RAD50: variants seen among roughly 807,000 people sequenced by gnomAD.
RAD50 encodes DNA repair protein RAD50.
Under a neutral mutation model 168.8 loss-of-function variants are expected in RAD50, and 132 were observed. That is an observed-to-expected ratio of 0.78 (90% confidence interval 0.68 to 0.90). The LOEUF is 0.90. Ranked by LOEUF, RAD50 falls within the 40% of genes least tolerant of loss-of-function variation. RAD50 has a pLI of 0.00. For missense variants in RAD50, 1,347 were observed against 1,534.4 expected, an observed-to-expected ratio of 0.88 and a Z score of 2.04; for synonymous variants, 525 against 497.4, an observed-to-expected ratio of 1.06 and a Z score of -0.74.
chr5:132,562,141 G>A (rs113521099), intron 2 of RAD50, among the ~76,000 whole-genome samples: 200 of 152,286 alleles, frequency 1.3e-3, no homozygotes, highest in South Asian at 3.7e-3. Flanking sequence ...AAGAACAAGG[G>A]AAAATGGTAG....
intron 19 of RAD50, among the ~76,000 whole-genome samples, chr5:132,614,157 C>T (rs886334785): frequency 6.6e-6 from 1 of 152,118 alleles, no homozygotes; most frequent in South Asian, 2.1e-4. Context: ...GTAGACAGAC[C>T]AGCAACAATA....
rs1554098258 is a variant in RAD50 at position 132,588,838 on chromosome 5, A to G, written c.1203A>G (p.Arg401=). Residue 401 remains arginine (R), a synonymous_variant, in exon 8 of 25, where the codon AGA becomes AGG. Coordinates refer to ENST00000378823, the MANE Select transcript of RAD50 (RefSeq NM_005732.4). Reference sequence around the variant, plus strand: ...TTAAAAATTTTCACAAACTTGTGAGAGAGAGACAAGAAGGGGAAGCAAAAA... The same window carrying G: ...TTAAAAATTTTCACAAACTTGTGAGGGAGAGACAAGAAGGGGAAGCAAAAA... The part of the protein sequence containing the change: ...RQIKNFHKLV[R]ERQEGEAKTA... 1 of 1,614,008 alleles carries G rather than the reference A, an allele frequency of 6.2e-7. No homozygotes were observed. Among genetic ancestry groups the G allele is most frequent in the South Asian group, 1.1e-5 (1 of 91,076 alleles).
chr5:132,636,468 A>G (rs186597143), intron 21 of RAD50, among the ~76,000 whole-genome samples: 1 of 152,216 alleles, frequency 6.6e-6, no homozygotes, highest in Non-Finnish European at 1.5e-5. Context: ...AAGGAAAGGT[A>G]AAATAAAATT....
intron 23 of RAD50, among the ~76,000 whole-genome samples, chr5:132,639,170 T>A (rs576074152): frequency 1.3e-5 from 2 of 151,992 alleles, no homozygotes; most frequent in Admixed American, 1.3e-4. Context: ...CAGCCTAACA[T>A]GGTGAAACTC....
chr5:132,558,634 C>T (rs555978024), intron 1 of RAD50, among the ~76,000 whole-genome samples: 29 of 148,086 alleles, frequency 2.0e-4, no homozygotes, highest in African/African-American at 6.3e-4. Flanking sequence ...TCGCTTGAAC[C>T]GGGGAGGTGG....
intron 11 of RAD50, chr5:132,593,186 A>G (rs1013567002): frequency 7.7e-5 from 15 of 195,572 alleles, no homozygotes; most frequent in Admixed American, 3.1e-4. Flanking sequence ...TAAAGTATCA[A>G]TGATTTCACC....
At chr5:132,624,842 A>T (rs1435282199) in intron 21 of RAD50, among the ~76,000 whole-genome samples, 1 of 147,214 alleles carries the variant, frequency 6.8e-6, no homozygotes, top group East Asian at 2.0e-4. Context: ...AGTGCACTCC[A>T]GCGTGGGTGA....
intron 2 of RAD50, among the ~76,000 whole-genome samples, chr5:132,568,318 T>C (rs1750244659): frequency 6.6e-6 from 1 of 151,906 alleles, no homozygotes; most frequent in South Asian, 2.1e-4. Flanking sequence ...CTCATGACCT[T>C]GTGATCCGCC....
In RAD50 at chr5:132,642,395, G is replaced by A; in HGVS notation, c.*31G>A. On this transcript the variant is annotated 3_prime_UTR_variant, in exon 25 of 25. Transcript: ENST00000378823. ...TCCAAGATTTAAATGCCATAGAAAT[G>A]TAGGTCCTCAGAAAGTGTATAATAA... The A allele has an allele frequency of 6.3e-7, 1 of 1,576,672 alleles. No homozygotes were observed. The highest frequency in any genetic ancestry group is 8.7e-7 in the Non-Finnish European group (1 of 1,146,962).
intron 21 of RAD50, among the ~76,000 whole-genome samples, chr5:132,630,068 GT>G (rs1751436387): frequency 6.8e-6 from 1 of 147,838 alleles, no homozygotes; most frequent in African/African-American, 2.5e-5. Context: ...TTGAGACAGA[GT>G]TTCGCTCTTT....
At chr5:132,594,107 C>G (rs1298429825) in intron 11 of RAD50, among the ~76,000 whole-genome samples, 1 of 152,156 alleles carries the variant, frequency 6.6e-6, no homozygotes, top group East Asian at 1.9e-4. Context: ...CAAATGTTTA[C>G]TGTGACTCAG....
At position 132,638,101 on chromosome 5, in the gene RAD50, C is replaced by T. The variant is rs587782577; in HGVS notation, c.3496C>T (p.Arg1166Trp). 45 of 1,613,848 alleles carry T rather than the reference C, an allele frequency of 2.8e-5. 1 individual carries two copies. The highest frequency in any genetic ancestry group is 2.0e-4 in the Admixed American group (12 of 60,000). ...GTCAGATATTGAATACATAGAAATA[C>T]GGTCTGATGCCGATGAAAATGTATC... Reference protein sequence around the residue: ...RGQDIEYIEIRSDADENVSAS... With the variant: ...RGQDIEYIEIWSDADENVSAS... Residue 1166 changes from arginine to tryptophan, a missense_variant, in exon 23 of 25, where the codon CGG (arginine) becomes TGG (tryptophan). Transcript: ENST00000378823.
At chr5:132,607,516 TACTG>T (rs1751005933) in intron 16 of RAD50, among the ~76,000 whole-genome samples, 1 of 152,216 alleles carries the variant, frequency 6.6e-6, no homozygotes, top group Admixed American at 6.5e-5. Flanking sequence ...CTAAGTATAT[TACTG>T]AATAATTACT....
chr5:132,626,389 T>A (rs1468579254), intron 21 of RAD50, among the ~76,000 whole-genome samples: 2 of 152,174 alleles, frequency 1.3e-5, no homozygotes, highest in Non-Finnish European at 1.5e-5. Flanking sequence ...TTCTCCATAG[T>A]GGTGATTTTG....
At chr5:132,580,183 A>G in intron 5 of RAD50, 117 bp downstream of exon 5, 2 of 836,176 alleles carry the variant, frequency 2.4e-6, no homozygotes, top group Non-Finnish European at 3.8e-6. Flanking sequence ...AACGTTCATT[A>G]CTTCAATTTT....
chr5:132,559,427 T>C, intron 2 of RAD50, 60 bp downstream of exon 2: 1 of 1,526,866 alleles, frequency 6.5e-7, no homozygotes, highest in African/African-American at 1.4e-5. Flanking sequence ...TAGCTTATTA[T>C]AGAAAACTTG....
At chr5:132,591,671 A>G (rs1424296583) in intron 10 of RAD50, among the ~76,000 whole-genome samples, 1 of 152,114 alleles carries the variant, frequency 6.6e-6, no homozygotes, top group African/African-American at 2.4e-5. Context: ...AAAATTTTAT[A>G]TTGTTCGACT....
intron 22 of RAD50, 34 bp downstream of exon 22, chr5:132,637,234 C>T: frequency 1.3e-6 from 2 of 1,598,366 alleles, no homozygotes; most frequent in Non-Finnish European, 1.7e-6. Context: ...ATGCTCTTTC[C>T]AAAGCCCTCT....
At position 132,591,931 on chromosome 5, in the gene RAD50, A is replaced by G. The variant is rs756853700; in HGVS notation, c.1690A>G (p.Thr564Ala). 1 of 1,608,308 alleles carries G rather than the reference A, an allele frequency of 6.2e-7. No individual in the cohort carries two copies. Residue 564 changes from threonine to alanine, a missense_variant, in exon 11 of 25, where the codon ACC becomes GCC. Thr to Ala is a moderately conservative substitution (Grantham distance 58). Coordinates refer to ENST00000378823, the MANE Select transcript of RAD50 (RefSeq NM_005732.4). ...KIKSRHSDEL[T>A]SLLGYFPNKK... ...AAAATCTAGGCACAGTGATGAATTA[A>G]CCTCACTGTTGGGATATTTTCCCAA...
Sources: gnomAD v4.1 joint callset for allele counts (sites outside exome capture counted in the v4.1 genomes callset) on GRCh38, gnomAD v4.1.1 for gene constraint, MANE v1.5 for transcripts, NCBI Gene and HGNC (gene_info 2026-07-23, HGNC 2026-07-21) for gene names.